CMIP: variants seen among roughly 807,000 people sequenced by gnomAD.
CMIP encodes the protein c-Maf inducing protein.
A neutral mutation model predicts 97.3 loss-of-function variants in CMIP; 13 were observed. That is an observed-to-expected ratio of 0.13 (90% CI 0.09 to 0.21). The LOEUF (loss-of-function observed/expected upper bound fraction) is 0.21. CMIP is among the 10% of genes least tolerant of loss of function. The probability of loss-of-function intolerance (pLI) is 1.00; values close to 1 mark genes in which losing one functional copy is unlikely to be tolerated. For synonymous variants in CMIP, 538 were observed against 436.3 expected (o/e 1.23, Z -2.91); for missense variants, 847 against 1,024.9 (o/e 0.83, Z 2.37).
intron 3 of CMIP, among the ~76,000 whole-genome samples, chr16:81,636,702 T>G (rs143518873): frequency 6.6e-6 from 1 of 152,172 alleles, no homozygotes; most frequent in African/African-American, 2.4e-5. Context: ...CCTTTATTTC[T>G]CTTTAATTAA....
intron 10 of CMIP, among the ~76,000 whole-genome samples, chr16:81,685,769 G>C (rs543582615): frequency 1.2e-3 from 175 of 141,610 alleles, no homozygotes; most frequent in Admixed American, 2.5e-3. Context: ...TCTTTATGTT[G>C]CCCAAGCCAG....
chr16:81,513,692 C>T (rs557133360), intron 1 of CMIP, among the ~76,000 whole-genome samples: 3 of 152,212 alleles, frequency 2.0e-5, no homozygotes, highest in African/African-American at 7.2e-5. Context: ...GGGTCAATTC[C>T]CAGAGTGGAG....
chr16:81,545,710 C>A (rs2090533470), intron 1 of CMIP, among the ~76,000 whole-genome samples: 1 of 152,194 alleles, frequency 6.6e-6, no homozygotes, highest in Non-Finnish European at 1.5e-5. Flanking sequence ...CCGAACCCTC[C>A]TCAGCATTGT....
At chr16:81,546,586 A>G (rs965319709) in intron 1 of CMIP, among the ~76,000 whole-genome samples, 1 of 152,210 alleles carries the variant, frequency 6.6e-6, no homozygotes, top group African/African-American at 2.4e-5. Context: ...AGGTTACAGC[A>G]ATGAGCGAAC....
chr16:81,650,562 A>G lies in CMIP; in HGVS notation c.478-1641A>G, dbSNP rs140645851. 7.2e-5 allele frequency among the ~76,000 whole-genome samples: 11 copies of G among 152,304 alleles called. No homozygotes were observed. In the East Asian group the frequency reaches 2.1e-3, roughly 29 times the overall value. On this transcript the variant is annotated intron_variant, in intron 3 of 20. Coordinates refer to ENST00000537098, the MANE Select transcript of CMIP (RefSeq NM_198390.3). ...TGGCAATGAGTATATCAGAGGCCCC[A>G]GAAAATCATGGGGTGCGGGAAAATA...
chr16:81,451,848 C>T (rs1225549181), intron 1 of CMIP, among the ~76,000 whole-genome samples: 1 of 152,240 alleles, frequency 6.6e-6, no homozygotes, highest in Non-Finnish European at 1.5e-5. Context: ...CACCCAGCCC[C>T]ATGGTGGAGG....
At chr16:81,701,619 G>A in intron 15 of CMIP, 41 bp from the exon 16 acceptor site, 1 of 1,613,378 alleles carries the variant, frequency 6.2e-7, no homozygotes, top group South Asian at 1.1e-5. Flanking sequence ...GAGCTAGGGT[G>A]GCAGGCCGGG....
At chr16:81,597,593 C>CG (rs35366336) in intron 1 of CMIP, among the ~76,000 whole-genome samples, 1,659 of 54,086 alleles carry the variant, frequency 0.031, 21 homozygotes, top group Middle Eastern at 0.11. Context: ...GCGAGGGGAG[C>CG]GGGGGGGGGG....
intron 1 of CMIP, among the ~76,000 whole-genome samples, chr16:81,492,783 G>T (rs1038951171): frequency 2.0e-5 from 3 of 152,084 alleles, no homozygotes; most frequent in Non-Finnish European, 4.4e-5. Context: ...GAGGCAGGAT[G>T]TGGAAGAGGA....
intron 1 of CMIP, among the ~76,000 whole-genome samples, chr16:81,466,088 T>G (rs1907190071): frequency 6.6e-6 from 1 of 152,100 alleles, no homozygotes; most frequent in African/African-American, 2.4e-5. Flanking sequence ...TGAGGTAGGG[T>G]CTCGCCCTGT....
chr16:81,564,509 G>T (rs575528237), intron 1 of CMIP, among the ~76,000 whole-genome samples: 3 of 152,222 alleles, frequency 2.0e-5, no homozygotes, highest in Non-Finnish European at 4.4e-5. Context: ...GAGTTGATGT[G>T]GGGGGAAGAA....
chr16:81,566,909 A>G (rs1204866259), intron 1 of CMIP, among the ~76,000 whole-genome samples: 1 of 152,264 alleles, frequency 6.6e-6, no homozygotes, highest in African/African-American at 2.4e-5. Context: ...TTCCAGTTAT[A>G]GGAAGTTCAA....
chr16:81,704,156 C>T, intron 18 of CMIP, 71 bp downstream of exon 18: 1 of 1,392,006 alleles, frequency 7.2e-7, no homozygotes, highest in South Asian at 1.3e-5. Flanking sequence ...TCCCTATTCC[C>T]CCGTACCATC....
chr16:81,527,063 A>T (rs540772940), intron 1 of CMIP, among the ~76,000 whole-genome samples: 1 of 152,326 alleles, frequency 6.6e-6, no homozygotes, highest in South Asian at 2.1e-4. Context: ...TTCAGACAAC[A>T]CGCGCGGGCC....
At chr16:81,516,156 A>G (rs1397341965) in intron 1 of CMIP, among the ~76,000 whole-genome samples, 2 of 152,090 alleles carry the variant, frequency 1.3e-5, no homozygotes, top group Admixed American at 1.3e-4. Context: ...CCAGTGCCCA[A>G]GTGGCTTCCA....
At chr16:81,669,308 A>C (rs2092653515) in intron 7 of CMIP, among the ~76,000 whole-genome samples, 2 of 16,830 alleles carry the variant, frequency 1.2e-4, no homozygotes, top group African/African-American at 2.6e-4. Context: ...TCTCACACTC[A>C]CCTCCTTCCA....
chr16:81,683,475 T>G (rs999163775), intron 10 of CMIP, among the ~76,000 whole-genome samples: 2 of 152,162 alleles, frequency 1.3e-5, no homozygotes, highest in African/African-American at 2.4e-5. Context: ...CTGCAACCTC[T>G]GCCCCCCAGG....
At chr16:81,548,458 G>C (rs1023647140) in intron 1 of CMIP, among the ~76,000 whole-genome samples, 4 of 152,042 alleles carry the variant, frequency 2.6e-5, no homozygotes, top group African/African-American at 9.7e-5. Context: ...TGCGGGCACT[G>C]TCCTGGGCAT....
In CMIP at chr16:81,655,619, G is replaced by A. The variant is rs1007002047; in HGVS notation, c.640-2156G>A. Among the ~76,000 whole-genome samples the A allele has an allele frequency of 6.6e-6, 1 of 152,178 alleles. No individual in the cohort carries two copies. The highest frequency in any genetic ancestry group is 6.5e-5 in the Admixed American group (1 of 15,284). On this transcript the variant is annotated intron_variant, in intron 4 of 20. Transcript: ENST00000537098. This position sits in a 1 kb window ranked among gnomAD's most constrained non-coding sequence, Gnocchi z 4.9. ...GACAAAGGAAATGATGTCCGTGGTC[G>A]CCAAAGCCTTCCTGGAAAGGTGCGT...
Sources: allele counts gnomAD v4.1 joint callset (sites outside exome capture counted in the v4.1 genomes callset), GRCh38; gene constraint gnomAD v4.1.1; non-coding constraint Gnocchi (gnomAD v3.1); transcripts MANE v1.5; gene names NCBI Gene and HGNC (gene_info 2026-07-23, HGNC 2026-07-21).